Variants in GPR39 observed in about 807,000 individuals in gnomAD.
GPR39 encodes zinc sensing receptor.
A neutral mutation model predicts 18.4 loss-of-function variants in GPR39; 23 were observed. The observed-to-expected ratio is 1.25, with a 90% CI of 0.90 to 1.77. The LOEUF is 1.77. Among genes scored for constraint, GPR39 ranks in the 40% most tolerant of loss-of-function variants. The pLI is 0.00. For synonymous variants in GPR39, 280 were observed against 257.9 expected (o/e 1.09, Z -0.82); for missense variants, 647 against 602.4 (o/e 1.07, Z -0.78).
At chr2:132,480,727 G>A (rs537352197) in intron 1 of GPR39, among the ~76,000 whole-genome samples, 127 of 152,334 alleles carry the variant, frequency 8.3e-4, no homozygotes, top group African/African-American at 3.0e-3. Context: ...GAGATAAGGA[G>A]TTTGGTTTTG....
At chr2:132,485,721 T>C (rs1463514101) in intron 1 of GPR39, among the ~76,000 whole-genome samples, 1 of 152,224 alleles carries the variant, frequency 6.6e-6, no homozygotes, top group Admixed American at 6.5e-5. Flanking sequence ...GCTCCACTTC[T>C]AATTCTAGTT....
chr2:132,456,862 G>A (rs1156551219), intron 1 of GPR39, among the ~76,000 whole-genome samples: 1 of 152,312 alleles, frequency 6.6e-6, no homozygotes, highest in Non-Finnish European at 1.5e-5. Context: ...TTAGTCTGAT[G>A]GGCTTCCCTT....
chr2:132,570,663 C>T (rs1573673793), intron 1 of GPR39, among the ~76,000 whole-genome samples: 2 of 152,186 alleles, frequency 1.3e-5, no homozygotes, highest in Admixed American at 1.3e-4. Flanking sequence ...TGTCCAGATC[C>T]GCTGCCCCTC....
chr2:132,618,786 C>T (rs968234129), intron 1 of GPR39, among the ~76,000 whole-genome samples: 5 of 152,200 alleles, frequency 3.3e-5, no homozygotes, highest in South Asian at 2.1e-4. Flanking sequence ...CTTTAAAGGC[C>T]GGCTTCACTT....
chr2:132,573,755 G>A (rs1680482491), intron 1 of GPR39, among the ~76,000 whole-genome samples: 1 of 152,098 alleles, frequency 6.6e-6, no homozygotes, highest in Admixed American at 6.5e-5. Flanking sequence ...CTAATTGAAT[G>A]CGAATGTCAG....
At chr2:132,552,875 CAT>C (rs1281942011) in intron 1 of GPR39, among the ~76,000 whole-genome samples, 21 of 100,802 alleles carry the variant, frequency 2.1e-4, no homozygotes, top group South Asian at 7.3e-4. Context: ...TATATATACA[CAT>C]ATATATATAC....
chr2:132,479,808 TTAAAAA>T (rs1240263052), intron 1 of GPR39, among the ~76,000 whole-genome samples: 1 of 151,894 alleles, frequency 6.6e-6, no homozygotes, highest in African/African-American at 2.4e-5. Flanking sequence ...CTTCTCAAAA[TTAAAAA>T]TAAAATTACT....
intron 1 of GPR39, among the ~76,000 whole-genome samples, chr2:132,560,438 G>A (rs944023627): frequency 1.3e-5 from 2 of 152,094 alleles, no homozygotes; most frequent in Non-Finnish European, 2.9e-5. Flanking sequence ...TGATTGCATC[G>A]AAGAACAAAC....
At position 132,630,103 on chromosome 2, in the gene GPR39, C is replaced by T. The variant is rs186557009; in HGVS notation, c.857-14998C>T. Among the ~76,000 whole-genome samples the T allele has an allele frequency of 7.3e-4, 111 of 152,238 alleles. 2 individuals are homozygous for T. Among genetic ancestry groups the T allele is most frequent in the Admixed American group, 2.7e-3 (42 of 15,290 alleles). ...CAGACACTATGCCAAGCACTGCAGACGCAGACATAGACATAGACATAGGAT... is the reference window on the plus strand; with the variant it reads ...CAGACACTATGCCAAGCACTGCAGATGCAGACATAGACATAGACATAGGAT... On this transcript the variant is annotated intron_variant, in intron 1 of 1. Coordinates refer to ENST00000329321, the MANE Select transcript of GPR39 (RefSeq NM_001508.3).
chr2:132,644,428 A>G (rs1278702903), intron 1 of GPR39, among the ~76,000 whole-genome samples: 1 of 152,202 alleles, frequency 6.6e-6, no homozygotes, highest in East Asian at 1.9e-4. Flanking sequence ...TTTTCCCCAC[A>G]TGAGGGATCT....
At chr2:132,586,591 G>A (rs2104828038) in intron 1 of GPR39, among the ~76,000 whole-genome samples, 1 of 152,342 alleles carries the variant, frequency 6.6e-6, no homozygotes, top group African/African-American at 2.4e-5. Context: ...CCTGGATAGA[G>A]ATGGGTTAGG....
At chr2:132,487,622 G>GA (rs1681366842) in intron 1 of GPR39, among the ~76,000 whole-genome samples, 1 of 152,062 alleles carries the variant, frequency 6.6e-6, no homozygotes, top group Non-Finnish European at 1.5e-5. Flanking sequence ...TTTTAGAAAT[G>GA]AAAATTATAA....
intron 1 of GPR39, among the ~76,000 whole-genome samples, chr2:132,549,659 G>A (rs1401982771): frequency 4.6e-5 from 7 of 152,068 alleles, no homozygotes; most frequent in African/African-American, 7.2e-5. Context: ...GTGGTGGTGC[G>A]CACCTGTAGT....
At chr2:132,547,014 C>T (rs933748233) in intron 1 of GPR39, among the ~76,000 whole-genome samples, 10 of 151,898 alleles carry the variant, frequency 6.6e-5, no homozygotes, top group Non-Finnish European at 1.3e-4. Flanking sequence ...AAAAGTGGTC[C>T]TTGGAGGAGC....
chr2:132,612,223 C>T lies in GPR39; in HGVS notation c.857-32878C>T, dbSNP rs1681250330. Among the ~76,000 whole-genome samples the T allele has an allele frequency of 2.6e-5, 4 of 152,102 alleles. No individual in the cohort carries two copies. The South Asian group carries it at 8.3e-4, about 32-fold the overall frequency. On this transcript the variant is annotated intron_variant, in intron 1 of 1. Transcript: ENST00000329321. ...CTTTGTAGAATCAAATTGAAATTTG[C>T]TCTCCATCTCAGGAGCTTCCCCTGG... is the stretch of plus-strand genomic sequence containing the variant.
chr2:132,493,466 T>C lies in GPR39; in HGVS notation c.856+75568T>C, dbSNP rs61465809. Among the ~76,000 whole-genome samples, 77 of 136,798 alleles carry C rather than the reference T, an allele frequency of 5.6e-4. 1 individual carries two copies. In the East Asian group the frequency reaches 9.3e-3, roughly 17 times the overall value. 89.7% of individuals were successfully genotyped at this position (136,798 alleles called of 152,430 possible). A position where few individuals can be genotyped will look rare whatever the true frequency, so the allele number is the denominator to read the frequency against. On this transcript the variant is annotated intron_variant, in intron 1 of 1. Coordinates refer to ENST00000329321, the MANE Select transcript of GPR39 (RefSeq NM_001508.3). ...CATATATATACACACCATATATATATACACCATATATATATATACACCATA... is the reference window on the plus strand; with the variant it reads ...CATATATATACACACCATATATATACACACCATATATATATATACACCATA...
intron 1 of GPR39, among the ~76,000 whole-genome samples, chr2:132,590,348 A>G (rs1680805287): frequency 1.3e-5 from 2 of 152,158 alleles, no homozygotes; most frequent in Non-Finnish European, 2.9e-5. Flanking sequence ...ACACACACAC[A>G]TGCTTACATG....
At chr2:132,557,863 C>CG (rs572087592) in intron 1 of GPR39, among the ~76,000 whole-genome samples, 17 of 151,964 alleles carry the variant, frequency 1.1e-4, no homozygotes, top group South Asian at 1.0e-3. Flanking sequence ...CCATGCCGCC[C>CG]GGGGGGGCTG....
intron 1 of GPR39, among the ~76,000 whole-genome samples, chr2:132,449,334 G>A (rs1317328235): frequency 2.6e-5 from 4 of 152,042 alleles, no homozygotes; most frequent in African/African-American, 9.7e-5. Context: ...TGCAACCTCC[G>A]CCTCAAGGTT....
Sources: gnomAD v4.1 joint callset for allele counts (sites outside exome capture counted in the v4.1 genomes callset) on GRCh38, gnomAD v4.1.1 for gene constraint, MANE v1.5 for transcripts, NCBI Gene and HGNC (gene_info 2026-07-23, HGNC 2026-07-21) for gene names.